The following PCDHGB6 variants were observed in gnomAD, a reference collection of about 807,000 sequenced individuals.
PCDHGB6 encodes protocadherin gamma-B6.
Under a neutral mutation model 59.1 loss-of-function variants are expected in PCDHGB6, and 51 were observed. The ratio of observed to expected loss-of-function variants is 0.86; its 90% CI spans 0.69 to 1.09. The LOEUF (loss-of-function observed/expected upper bound fraction) is 1.09. Ranked by LOEUF, PCDHGB6 falls within the 50% of genes least tolerant of loss-of-function variation. The pLI is 0.00. For synonymous variants in PCDHGB6, 466 were observed against 495.1 expected (o/e 0.94, Z 0.78); for missense variants, 1,148 against 1,205.1 (o/e 0.95, Z 0.70).
intron 1 of PCDHGB6, chr5:141,412,854 A>G (rs1356959630): frequency 4.5e-6 from 1 of 223,412 alleles, no homozygotes; most frequent in South Asian, 1.8e-4. Context: ...GAGAAACCAA[A>G]GAATCTATGT....
intron 1 of PCDHGB6, chr5:141,441,743 C>G (rs1298220876): frequency 2.7e-6 from 1 of 367,284 alleles, no homozygotes; most frequent in Non-Finnish European, 5.4e-6. Flanking sequence ...AGCTCGCGCT[C>G]GGCGTCAACG....
chr5:141,422,194 C>A, intron 1 of PCDHGB6: 1 of 1,562,366 alleles, frequency 6.4e-7, no homozygotes, highest in South Asian at 1.2e-5. Flanking sequence ...AATTCAAGGC[C>A]AAGATGGTGG....
At chr5:141,510,277 A>C (rs1242709133) in intron 3 of PCDHGB6, among the ~76,000 whole-genome samples, 5 of 151,916 alleles carry the variant, frequency 3.3e-5, no homozygotes, top group Admixed American at 2.6e-4. Flanking sequence ...CATCTTAAAA[A>C]AAAAAAAAAA....
chr5:141,437,820 C>T (rs973577605), intron 1 of PCDHGB6, among the ~76,000 whole-genome samples: 4 of 151,904 alleles, frequency 2.6e-5, no homozygotes, highest in Non-Finnish European at 5.9e-5. Flanking sequence ...TCACTGCAAC[C>T]TCTGCCTCCT....
intron 1 of PCDHGB6, chr5:141,478,265 G>A: frequency 6.2e-7 from 1 of 1,614,196 alleles, no homozygotes; most frequent in African/African-American, 1.3e-5. Context: ...CATATTCAAA[G>A]TTTACAAGTG....
chr5:141,498,197 A>C (rs1191884415), intron 2 of PCDHGB6, among the ~76,000 whole-genome samples: 1 of 152,246 alleles, frequency 6.6e-6, no homozygotes. Flanking sequence ...AACCAGCTAA[A>C]GAAAAGAAGG....
intron 1 of PCDHGB6, chr5:141,413,221 G>A (rs1384304697): frequency 1.2e-6 from 2 of 1,613,452 alleles, no homozygotes; most frequent in East Asian, 2.2e-5. Flanking sequence ...GGATTGCAGC[G>A]GGCTGGTCCT....
chr5:141,468,055 T>G (rs2099156893), intron 1 of PCDHGB6, among the ~76,000 whole-genome samples: 1 of 152,096 alleles, frequency 6.6e-6, no homozygotes, highest in Admixed American at 6.5e-5. Flanking sequence ...CCGGGCACAG[T>G]GGCTCACACC....
chr5:141,415,293 C>G, intron 1 of PCDHGB6: 1 of 1,614,192 alleles, frequency 6.2e-7, no homozygotes, highest in Non-Finnish European at 8.5e-7. Flanking sequence ...CGGTCTCCTG[C>G]GTCTTCCTGG....
In PCDHGB6 at chr5:141,432,877, C is replaced by T. The variant is rs375043811; in HGVS notation, c.2418+22257C>T. 108 of 1,614,082 alleles carry T rather than the reference C, an allele frequency of 6.7e-5. No homozygotes were observed. Among genetic ancestry groups the T allele is most frequent in the Non-Finnish European group, 7.6e-5 (90 of 1,180,018 alleles). On this transcript the variant is annotated intron_variant, in intron 1 of 3. Coordinates refer to ENST00000520790, the MANE Select transcript of PCDHGB6 (RefSeq NM_018926.3). The surrounding 1 kb of genome is among the most constrained non-coding windows in gnomAD (Gnocchi z 6.0). Reference sequence around the variant, plus strand: ...CCGCGGTCTCCTGCGTCTTCCTGGCCTTCGTCATCTTGCTGCTGGCGCTCA... The same window carrying T: ...CCGCGGTCTCCTGCGTCTTCCTGGCTTTCGTCATCTTGCTGCTGGCGCTCA...
chr5:141,477,988 C>T lies in PCDHGB6; in HGVS notation c.2419-16819C>T, dbSNP rs771241128. The T allele has an allele frequency of 6.2e-7, 1 of 1,614,160 alleles. No individual in the cohort carries two copies. Among genetic ancestry groups the T allele is most frequent in the Non-Finnish European group, 8.5e-7 (1 of 1,180,032 alleles). On this transcript the variant is annotated intron_variant, in intron 1 of 3. Coordinates refer to ENST00000520790, the MANE Select transcript of PCDHGB6 (RefSeq NM_018926.3). This position sits in a 1 kb window ranked among gnomAD's most constrained non-coding sequence, Gnocchi z 4.9. ...AGAGCCTTTTTGCCATAGGGCTGCA[C>T]ACTGGTCAAATCAGTACTGCCCGTC...
chr5:141,482,071 A>G (rs2099551527), intron 1 of PCDHGB6, among the ~76,000 whole-genome samples: 1 of 145,394 alleles, frequency 6.9e-6, no homozygotes, highest in Non-Finnish European at 1.5e-5. Flanking sequence ...GGCAACAAGA[A>G]CAAAACTCAC....
intron 1 of PCDHGB6, chr5:141,423,106 G>A (rs562864937): frequency 1.2e-6 from 2 of 1,613,894 alleles, no homozygotes; most frequent in Admixed American, 1.7e-5. Context: ...CACGGGCGAG[G>A]TGCGTACAGC....
intron 2 of PCDHGB6, among the ~76,000 whole-genome samples, chr5:141,499,528 G>T (rs961802549): frequency 1.3e-5 from 2 of 152,142 alleles, no homozygotes; most frequent in African/African-American, 2.4e-5. Context: ...AAAGTAGAGA[G>T]AATGGTGTCA....
At chr5:141,471,114 T>A (rs1210058743) in intron 1 of PCDHGB6, among the ~76,000 whole-genome samples, 1 of 150,256 alleles carries the variant, frequency 6.7e-6, no homozygotes, top group Non-Finnish European at 1.5e-5. Context: ...AGTGGTGCGA[T>A]CTTACCTTCA....
rs1288831801 is a variant in PCDHGB6, at chr5:141,477,793, T to C, written c.2419-17014T>C. The C allele has an allele frequency of 6.2e-7, 1 of 1,614,050 alleles. No homozygotes were observed. The highest frequency in any genetic ancestry group is 2.2e-5 in the East Asian group (1 of 44,874). ...TCAGCGTGAACATATTTGTCACTGATCGCAATGACAATGCCCCCCAGGTCC... is the reference window on the plus strand; with the variant it reads ...TCAGCGTGAACATATTTGTCACTGACCGCAATGACAATGCCCCCCAGGTCC... On this transcript the variant is annotated intron_variant, in intron 1 of 3. Coordinates refer to ENST00000520790, the MANE Select transcript of PCDHGB6 (RefSeq NM_018926.3). This position sits in a 1 kb window ranked among gnomAD's most constrained non-coding sequence, Gnocchi z 4.9.
In PCDHGB6 at chr5:141,431,628, A is replaced by C. The variant is rs1204083567; in HGVS notation, c.2418+21008A>C. Reference sequence around the variant, plus strand: ...CGGTATGTGGACGACAAGGCGGCCCAAGTTTTCAAACTAGATTGTAATTCA... The same window carrying C: ...CGGTATGTGGACGACAAGGCGGCCCCAGTTTTCAAACTAGATTGTAATTCA... On this transcript the variant is annotated intron_variant, in intron 1 of 3. Coordinates refer to ENST00000520790, the MANE Select transcript of PCDHGB6 (RefSeq NM_018926.3). The surrounding 1 kb of genome is among the most constrained non-coding windows in gnomAD (Gnocchi z 4.8). 1 of 1,614,256 alleles carries C rather than the reference A, an allele frequency of 6.2e-7. No individual in the cohort carries two copies. The highest frequency in any genetic ancestry group is 8.5e-7 in the Non-Finnish European group (1 of 1,180,050).
chr5:141,428,495 T>C (rs1023405537), intron 1 of PCDHGB6: 3 of 295,346 alleles, frequency 1.0e-5, no homozygotes, highest in African/African-American at 6.5e-5. Flanking sequence ...AATCTGTATG[T>C]TCCCTCGGAT....
intron 2 of PCDHGB6, among the ~76,000 whole-genome samples, chr5:141,499,384 A>G (rs2099791576): frequency 6.6e-6 from 1 of 152,200 alleles, no homozygotes. Context: ...TTTTCCACTT[A>G]TAAAATAGTA....
Sources: allele counts gnomAD v4.1 joint callset (sites outside exome capture counted in the v4.1 genomes callset), GRCh38; gene constraint gnomAD v4.1.1; non-coding constraint Gnocchi (gnomAD v3.1); transcripts MANE v1.5; gene names NCBI Gene and HGNC (gene_info 2026-07-23, HGNC 2026-07-21).